The following DLG5 variants were observed in gnomAD, a reference collection of about 807,000 sequenced individuals.
DLG5 encodes discs large MAGUK scaffold protein 5, also known as disks large homolog 5.
In DLG5, 48 loss-of-function variants were observed where a neutral mutation model predicts 189.8. The ratio of observed to expected loss-of-function variants is 0.25; its 90% CI spans 0.20 to 0.32. DLG5 has a LOEUF of 0.32. Among genes scored for constraint, DLG5 ranks in the 10% least tolerant of loss-of-function variants. The pLI, the probability that DLG5 is intolerant of heterozygous loss-of-function variation, is 1.00. For missense variants in DLG5, 2,160 were observed against 2,544.7 expected, an observed-to-expected ratio of 0.85 and a Z score of 3.25; for synonymous variants, 1,016 against 1,054.1, an observed-to-expected ratio of 0.96 and a Z score of 0.70.
chr10:77,842,327 CA>C, intron 6 of DLG5, 134 bp from the exon 7 acceptor site: 1 of 1,111,788 alleles, frequency 9.0e-7, no homozygotes, highest in Non-Finnish European at 1.3e-6. Context: ...TCACTCTCTC[CA>C]CCCCCAGGAG....
At chr10:77,898,663 G>C (rs886127417) in intron 1 of DLG5, among the ~76,000 whole-genome samples, 1 of 152,220 alleles carries the variant, frequency 6.6e-6, no homozygotes. Context: ...TGGGCCCCGC[G>C]TCTATCCCTT....
At position 77,854,209 on chromosome 10, in the gene DLG5, C is replaced by A. The variant is rs1844117467; in HGVS notation, c.680+18G>T. 7 of 1,612,676 alleles carry A rather than the reference C, an allele frequency of 4.3e-6. No homozygotes were observed. Among genetic ancestry groups the A allele is most frequent in the Non-Finnish European group, 5.9e-6 (7 of 1,179,432 alleles). ...GTCTGTGGGTGTTGGAGGCCCTGGC[C>A]AAGCAGGCCTCACTCACTGGTAGAA... On this transcript the variant is annotated intron_variant, in intron 4 of 31. Transcript: ENST00000372391.
At chr10:77,907,181 T>C (rs1213714149) in intron 1 of DLG5, among the ~76,000 whole-genome samples, 1 of 151,662 alleles carries the variant, frequency 6.6e-6, no homozygotes, top group East Asian at 1.9e-4. Flanking sequence ...GAGTTGGGGG[T>C]AGAGTAGGGA....
At chr10:77,801,642 C>T (rs1603641108) in intron 27 of DLG5, among the ~76,000 whole-genome samples, 3 of 152,194 alleles carry the variant, frequency 2.0e-5, no homozygotes, top group South Asian at 2.1e-4. Flanking sequence ...GGGGGAAGCA[C>T]GGTGTGGTAA....
At chr10:77,911,548 T>C (rs1435839634) in intron 1 of DLG5, among the ~76,000 whole-genome samples, 1 of 152,230 alleles carries the variant, frequency 6.6e-6, no homozygotes, top group Non-Finnish European at 1.5e-5. Context: ...GATAGCAGAT[T>C]GGCAATGGTC....
intron 13 of DLG5, among the ~76,000 whole-genome samples, chr10:77,827,594 A>G (rs75735159): frequency 0.013 from 1,964 of 152,318 alleles, 37 homozygotes; most frequent in African/African-American, 0.045. Flanking sequence ...ATCTCACGGC[A>G]TTTGTAGCTT....
the DLG5 span, among the ~76,000 whole-genome samples, chr10:77,935,950 T>A: frequency 3.2e-4 from 48 of 152,332 alleles, no homozygotes; most frequent in East Asian, 8.5e-3. Context: ...GAAAATGGAA[T>A]TCTATTTAGG....
intron 1 of DLG5, among the ~76,000 whole-genome samples, chr10:77,894,653 T>G (rs1459902649): frequency 6.6e-6 from 1 of 151,682 alleles, no homozygotes; most frequent in Non-Finnish European, 1.5e-5. Context: ...GCTGGTCTAT[T>G]TTAGGATCTT....
rs76198542 is a variant in DLG5, at chr10:77,909,253, G to A, written c.304+16964C>T. ...CATGAGAAGCCTGAAGATGAGGGAG[G>A]TTACAGAAAACCAAATACTGCATGT... On this transcript the variant is annotated intron_variant, in intron 1 of 31. Transcript: ENST00000372391. Among the ~76,000 whole-genome samples, 786 of 152,172 alleles carry A rather than the reference G, an allele frequency of 5.2e-3. 8 individuals carry two copies. Among genetic ancestry groups the A allele is most frequent in the African/African-American group, 0.018 (747 of 41,528 alleles).
intron 5 of DLG5, 131 bp from the exon 6 acceptor site, chr10:77,843,837 C>T (rs1843551683): frequency 8.5e-7 from 1 of 1,169,806 alleles, no homozygotes. Context: ...TACCCTAAAG[C>T]TTTTGAGAGT....
At chr10:77,846,703 A>C (rs1183760171) in intron 5 of DLG5, 1 of 456,276 alleles carries the variant, frequency 2.2e-6, no homozygotes, top group Non-Finnish European at 4.4e-6. Flanking sequence ...TCTCAAAAAA[A>C]AAAATTACCT....
Position 77,796,369 on chromosome 10 carries a change from T to G in DLG5, c.5308+82A>C. 1 of 1,605,818 alleles carries G rather than the reference T, an allele frequency of 6.2e-7. No individual in the cohort carries two copies. The highest frequency in any genetic ancestry group is 1.1e-5 in the South Asian group (1 of 90,322). On this transcript the variant is annotated intron_variant, in intron 28 of 31. Transcript: ENST00000372391. This position sits in a 1 kb window ranked among gnomAD's most constrained non-coding sequence, Gnocchi z 5.2. ...TCTGCCCCCCGGTACTGCCACCCAC[T>G]GTGCACAGCTGGGCAGGCAGGTGGA...
chr10:77,911,428 T>A (rs1022411521), intron 1 of DLG5, among the ~76,000 whole-genome samples: 1 of 152,208 alleles, frequency 6.6e-6, no homozygotes, highest in Non-Finnish European at 1.5e-5. Flanking sequence ...ATTAAAGTAT[T>A]TTAAAGTATT....
At chr10:77,851,373 G>T (rs1353673101) in intron 5 of DLG5, among the ~76,000 whole-genome samples, 1 of 152,170 alleles carries the variant, frequency 6.6e-6, no homozygotes, top group Non-Finnish European at 1.5e-5. Context: ...GAGCTAGCAC[G>T]GCACTTTCTA....
At chr10:77,937,340 T>A in the DLG5 span, among the ~76,000 whole-genome samples, 2 of 152,206 alleles carry the variant, frequency 1.3e-5, no homozygotes, top group Non-Finnish European at 2.9e-5. Flanking sequence ...GAAGTCCTGA[T>A]GTGCTATGCT....
intron 23 of DLG5, 31 bp from the exon 24 acceptor site, chr10:77,809,761 G>C: frequency 6.3e-7 from 1 of 1,594,294 alleles, no homozygotes; most frequent in Non-Finnish European, 8.5e-7. Context: ...TTCCTCAACT[G>C]TGCACAAAGA....
At chr10:77,921,661 C>T (rs1343604407) in intron 1 of DLG5, among the ~76,000 whole-genome samples, 10 of 152,194 alleles carry the variant, frequency 6.6e-5, no homozygotes. Flanking sequence ...GCAGCCCACA[C>T]GTCCTCCCTC....
intron 14 of DLG5, among the ~76,000 whole-genome samples, chr10:77,822,513 A>C (rs1842421586): frequency 6.6e-6 from 1 of 152,076 alleles, no homozygotes; most frequent in Non-Finnish European, 1.5e-5. Flanking sequence ...GCACGGTGGC[A>C]TGCACCTGTA....
At chr10:77,931,237 G>A (rs758014221), upstream of DLG5, among the ~76,000 whole-genome samples, 9 of 151,782 alleles carry the variant, frequency 5.9e-5, no homozygotes, top group Non-Finnish European at 1.3e-4. Context: ...TTATAGGCGT[G>A]AGCCACTGTG....
Sources: gnomAD v4.1 joint callset for allele counts (sites outside exome capture counted in the v4.1 genomes callset) on GRCh38, gnomAD v4.1.1 for gene constraint, Gnocchi (gnomAD v3.1) non-coding constraint, MANE v1.5 for transcripts, NCBI Gene and HGNC (gene_info 2026-07-23, HGNC 2026-07-21) for gene names.